GAB2: variants seen among roughly 807,000 people sequenced by gnomAD.
GAB2 encodes GRB2 associated binding protein 2.
In GAB2, 26 loss-of-function variants were observed where a neutral mutation model predicts 65.5. The ratio of observed to expected loss-of-function variants is 0.40; its 90% CI spans 0.29 to 0.55. GAB2 has a LOEUF of 0.55. GAB2 is among the 20% of genes least tolerant of loss of function. The pLI, the probability that GAB2 is intolerant of heterozygous loss-of-function variation, is 0.53. For missense variants in GAB2, 884 were observed against 875.8 expected (o/e 1.01, Z -0.12); for synonymous variants, 321 against 329.6 (o/e 0.97, Z 0.28).
intron 1 of GAB2, among the ~76,000 whole-genome samples, chr11:78,339,518 T>G (rs1415289618): frequency 6.6e-6 from 1 of 152,184 alleles, no homozygotes; most frequent in East Asian, 1.9e-4. Flanking sequence ...TGGAAGATCA[T>G]TCAGTAATAT....
At chr11:78,261,275 G>A (rs548552436) in intron 2 of GAB2, among the ~76,000 whole-genome samples, 1 of 152,198 alleles carries the variant, frequency 6.6e-6, no homozygotes, top group African/African-American at 2.4e-5. Context: ...GCGACAGAGT[G>A]AGACCCTGTC....
chr11:78,411,743 A>C (rs577717446), intron 1 of GAB2, among the ~76,000 whole-genome samples: 5 of 152,112 alleles, frequency 3.3e-5, no homozygotes, highest in South Asian at 2.1e-4. Context: ...AAAAAAAAAA[A>C]CCAGGAAAGC....
At position 78,326,831 on chromosome 11, in the gene GAB2, G is replaced by A. The variant is rs558731222; in HGVS notation, c.76-45930C>T. Among the ~76,000 whole-genome samples, 30 of 152,186 alleles carry A rather than the reference G, an allele frequency of 2.0e-4. No homozygotes were observed. The South Asian group carries it at 2.5e-3, about 13-fold the overall frequency. ...TACAAAGCAGACACAGTTCTGACCC[G>A]GTAAAATTTCCCCATAAGCTATGCT... On this transcript the variant is annotated intron_variant, in intron 1 of 9. Coordinates refer to ENST00000361507, the MANE Select transcript of GAB2 (RefSeq NM_080491.3).
intron 1 of GAB2, among the ~76,000 whole-genome samples, chr11:78,301,521 C>T (rs372393259): frequency 3.9e-5 from 6 of 152,142 alleles, no homozygotes; most frequent in East Asian, 3.9e-4. Flanking sequence ...TTTTTTAAGA[C>T]GTGGTTTCAC....
At chr11:78,408,623 G>A (rs1857085603) in intron 1 of GAB2, among the ~76,000 whole-genome samples, 1 of 152,144 alleles carries the variant, frequency 6.6e-6, no homozygotes, top group Non-Finnish European at 1.5e-5. Flanking sequence ...ATATGGTTTG[G>A]GTATGTGTCC....
intron 6 of GAB2, among the ~76,000 whole-genome samples, 186 bp from the exon 7 acceptor site, chr11:78,222,381 T>A (rs1273062571): frequency 4.6e-5 from 7 of 152,144 alleles, no homozygotes; most frequent in Non-Finnish European, 8.8e-5. Flanking sequence ...AAGTCATGTC[T>A]TCAGATTCCA....
chr11:78,316,230 C>CCGGCTT (rs1253049523), intron 1 of GAB2, among the ~76,000 whole-genome samples: 12 of 152,132 alleles, frequency 7.9e-5, no homozygotes, highest in Non-Finnish European at 1.6e-4. Context: ...TGAGCCACTA[C>CCGGCTT]CGGCTTCTCT....
Position 78,322,662 on chromosome 11 carries a change from C to G in GAB2, c.76-41761G>C, listed in dbSNP as rs1443120481. ...AGTGGGCAAAGGACATGAACAGACA[C>G]TTCTCAAAAGATGACACACAATGGG... is the stretch of plus-strand genomic sequence containing the variant. On this transcript the variant is annotated intron_variant, in intron 1 of 9. Transcript: ENST00000361507. Among the ~76,000 whole-genome samples, 5 of 152,210 alleles carry G rather than the reference C, an allele frequency of 3.3e-5. No individual in the cohort carries two copies. The South Asian group carries it at 8.3e-4, about 25-fold the overall frequency.
chr11:78,338,794 C>T (rs150633543), intron 1 of GAB2, among the ~76,000 whole-genome samples: 1 of 152,296 alleles, frequency 6.6e-6, no homozygotes, highest in Non-Finnish European at 1.5e-5. Context: ...ACTTTACATT[C>T]TGGGAACACC....
chr11:78,348,197 G>A (rs1237097574), intron 1 of GAB2, among the ~76,000 whole-genome samples: 1 of 152,136 alleles, frequency 6.6e-6, no homozygotes, highest in Non-Finnish European at 1.5e-5. Context: ...AGGGGAGGCA[G>A]GAGAGGCAAG....
chr11:78,271,785 G>A (rs1428534302), intron 2 of GAB2, among the ~76,000 whole-genome samples: 1 of 152,212 alleles, frequency 6.6e-6, no homozygotes, highest in Admixed American at 6.5e-5. Context: ...TTGAGCCCAG[G>A]AGTTTAAGAC....
intron 1 of GAB2, among the ~76,000 whole-genome samples, chr11:78,394,031 G>A (rs1010423844): frequency 4.6e-5 from 7 of 152,168 alleles, no homozygotes; most frequent in Admixed American, 6.5e-5. Flanking sequence ...GCTCACGCCC[G>A]TAATCCCAGC....
intron 1 of GAB2, among the ~76,000 whole-genome samples, chr11:78,292,942 ACCACAGC>A: frequency 6.6e-6 from 1 of 152,222 alleles, no homozygotes; most frequent in South Asian, 2.1e-4. Context: ...ACTTACAGAG[ACCACAGC>A]CCAAGATCTT....
rs894806621 is a variant in GAB2, at chr11:78,229,959, C to T, written c.621-2908G>A. Among the ~76,000 whole-genome samples the T allele has an allele frequency of 1.1e-4, 16 of 152,332 alleles. No individual in the cohort carries two copies. In the East Asian group the frequency reaches 3.1e-3, roughly 29 times the overall value. Reference sequence around the variant, plus strand: ...ACCTCTAAGCATTGCTTAACTTAATCACTTGCTTAACTTTGTTCTTGGAGC... The same window carrying T: ...ACCTCTAAGCATTGCTTAACTTAATTACTTGCTTAACTTTGTTCTTGGAGC... On this transcript the variant is annotated intron_variant, in intron 3 of 9. Transcript: ENST00000361507.
In GAB2 at chr11:78,219,309, C is replaced by T. The variant is rs778418186; in HGVS notation, c.1994G>A (p.Arg665Gln). Residue 665 changes from arginine (R) to glutamine (Q), a missense_variant, in exon 10 of 10, where the codon CGG (arginine) becomes CAG (glutamine). Transcript: ENST00000361507. ...QNTMQEWTDVRQSSEPSKGAK... is the reference protein window; with the variant it reads ...QNTMQEWTDVQQSSEPSKGAK... ...ACCCTTGGAAGGCTCTGAGGACTGC[C>T]GCACGTCTGTCCACTCCTGCATGGT... 6 of 1,613,718 alleles carry T rather than the reference C, an allele frequency of 3.7e-6. No homozygotes were observed. Among genetic ancestry groups the T allele is most frequent in the East Asian group, 2.2e-5 (1 of 44,876 alleles).
At chr11:78,366,812 T>C (rs1441347730) in intron 1 of GAB2, among the ~76,000 whole-genome samples, 1 of 150,024 alleles carries the variant, frequency 6.7e-6, no homozygotes, top group Non-Finnish European at 1.5e-5. Flanking sequence ...GGAGAAAATA[T>C]AGTGGAGAAG....
At chr11:78,331,026 T>G (rs1314015192) in intron 1 of GAB2, among the ~76,000 whole-genome samples, 1 of 151,428 alleles carries the variant, frequency 6.6e-6, no homozygotes, top group African/African-American at 2.4e-5. Flanking sequence ...AATACAAAAA[T>G]TACCAGGGCA....
chr11:78,260,369 G>T (rs1490636506), intron 2 of GAB2, among the ~76,000 whole-genome samples: 4 of 152,242 alleles, frequency 2.6e-5, no homozygotes, highest in Non-Finnish European at 4.4e-5. Flanking sequence ...ACACAGCACA[G>T]TTCCTGGTCA....
intron 1 of GAB2, among the ~76,000 whole-genome samples, chr11:78,378,350 T>TC (rs1427834474): frequency 6.6e-6 from 1 of 152,074 alleles, no homozygotes; most frequent in Non-Finnish European, 1.5e-5. Flanking sequence ...ATCTAGAAAA[T>TC]TTTCTTCCAT....
Sources: allele counts gnomAD v4.1 joint callset (sites outside exome capture counted in the v4.1 genomes callset), GRCh38; gene constraint gnomAD v4.1.1; transcripts MANE v1.5; gene names NCBI Gene and HGNC (gene_info 2026-07-23, HGNC 2026-07-21).